Variants in GFPT2 observed in about 807,000 individuals in gnomAD.
The protein encoded by GFPT2 is glutamine--fructose-6-phosphate transaminase 2, also known as glutamine--fructose-6-phosphate aminotransferase [isomerizing] 2.
Under a neutral mutation model 85.6 loss-of-function variants are expected in GFPT2, and 62 were observed. The ratio of observed to expected loss-of-function variants is 0.72; its 90% CI spans 0.59 to 0.90. The LOEUF (loss-of-function observed/expected upper bound fraction) is 0.90. GFPT2 is among the 40% of genes least tolerant of loss of function. The pLI is 0.00. For missense variants in GFPT2, 788 were observed against 893.4 expected, an observed-to-expected ratio of 0.88 and a Z score of 1.50; for synonymous variants, 368 against 344.5, an observed-to-expected ratio of 1.07 and a Z score of -0.75.
At chr5:180,346,632 C>T (rs1764614423) in intron 1 of GFPT2, among the ~76,000 whole-genome samples, 1 of 152,236 alleles carries the variant, frequency 6.6e-6, no homozygotes, top group Non-Finnish European at 1.5e-5. Flanking sequence ...CCCTCTGGGT[C>T]CCACTCCTGC....
chr5:180,331,780 C>G, intron 4 of GFPT2: 1 of 540,904 alleles, frequency 1.8e-6, no homozygotes, highest in South Asian at 1.9e-5. Context: ...CAATGGGATC[C>G]GGAGGAAATA....
chr5:180,351,416 C>T (rs1170969233), intron 1 of GFPT2, among the ~76,000 whole-genome samples: 1 of 152,180 alleles, frequency 6.6e-6, no homozygotes, highest in Non-Finnish European at 1.5e-5. Context: ...GCCCTCCCCA[C>T]TTCCCCCACC....
chr5:180,349,413 C>T (rs1375318216), intron 1 of GFPT2, among the ~76,000 whole-genome samples: 2 of 152,304 alleles, frequency 1.3e-5, no homozygotes, highest in East Asian at 3.9e-4. Context: ...TCTTTATAAG[C>T]TAATTTTGCT....
At chr5:180,305,023 G>A (rs1183898809) in intron 16 of GFPT2, 84 bp from the exon 17 acceptor site, 3 of 968,620 alleles carry the variant, frequency 3.1e-6, no homozygotes, top group African/African-American at 3.2e-5. Context: ...GGGAACCAGG[G>A]GAAGGATGAC....
Position 180,301,590 on chromosome 5 carries a change from G to A in GFPT2, c.2023C>T (p.Leu675=). 1 of 1,613,764 alleles carries A rather than the reference G, an allele frequency of 6.2e-7. No homozygotes were observed. Among genetic ancestry groups the A allele is most frequent in the Non-Finnish European group, 8.5e-7 (1 of 1,179,616 alleles). Residue 675 remains leucine (L), a synonymous_variant, in exon 19 of 19, where the codon CTG becomes TTG. Transcript: ENST00000253778. The stretch of plus-strand genomic sequence containing the variant: ...CATTCCACAGTTACAGACTTGGCCA[G>A]ATTTCTGGGGAAGTCAACCTAAAAT... The part of the protein sequence containing the change: ...RGYDVDFPRN[L]AKSVTVE
At position 180,308,224 on chromosome 5, in the gene GFPT2, C is replaced by G. The variant is rs1438291439; in HGVS notation, c.1547-921G>C. ...TGAGCTGAGATGGCACCACGGCACTCCAGCCTGGGCAACAGAGCGAGACTC... is the reference window on the plus strand; with the variant it reads ...TGAGCTGAGATGGCACCACGGCACTGCAGCCTGGGCAACAGAGCGAGACTC... On this transcript the variant is annotated intron_variant, in intron 15 of 18. Coordinates refer to ENST00000253778, the MANE Select transcript of GFPT2 (RefSeq NM_005110.4). Among the ~76,000 whole-genome samples, 13 of 151,496 alleles carry G rather than the reference C, an allele frequency of 8.6e-5. No homozygotes were observed. In the East Asian group the frequency reaches 2.5e-3, roughly 29 times the overall value.
At position 180,323,352 on chromosome 5, in the gene GFPT2, C is replaced by T. The variant is rs892319664; in HGVS notation, c.794+836G>A. Among the ~76,000 whole-genome samples the T allele has an allele frequency of 1.1e-4, 16 of 152,138 alleles. No individual in the cohort carries two copies. The highest frequency in any genetic ancestry group is 2.4e-4 in the African/African-American group (10 of 41,434). The stretch of plus-strand genomic sequence containing the variant: ...TGTCGCTCCCGTTTCCCAGGAGACC[C>T]GGCCTGGTGTCCTCCCTGCCTCACA... On this transcript the variant is annotated intron_variant, in intron 9 of 18. Coordinates refer to ENST00000253778, the MANE Select transcript of GFPT2 (RefSeq NM_005110.4). The surrounding 1 kb of genome is among the most constrained non-coding windows in gnomAD (Gnocchi z 4.0).
chr5:180,347,221 C>G (rs906952146), intron 1 of GFPT2, among the ~76,000 whole-genome samples: 6 of 152,202 alleles, frequency 3.9e-5, no homozygotes, highest in Non-Finnish European at 7.3e-5. Flanking sequence ...GATACAGGAG[C>G]CTGGAGATCT....
At chr5:180,305,015 G>T in intron 16 of GFPT2, 76 bp from the exon 17 acceptor site, 1 of 1,011,500 alleles carries the variant, frequency 9.9e-7, no homozygotes. Context: ...GGAAGAAGGG[G>T]AACCAGGGGA....
intron 15 of GFPT2, among the ~76,000 whole-genome samples, chr5:180,308,022 T>C (rs1429158071): frequency 6.6e-6 from 1 of 151,736 alleles, no homozygotes; most frequent in African/African-American, 2.4e-5. Context: ...TTTGGAAGGC[T>C]GGGGCAGGCG....
chr5:180,309,584 C>T (rs571183630), intron 15 of GFPT2, among the ~76,000 whole-genome samples: 1 of 151,918 alleles, frequency 6.6e-6, no homozygotes, highest in South Asian at 2.1e-4. Flanking sequence ...CCACACCCAG[C>T]TATTTTTAGT....
At chr5:180,303,225 G>A (rs144311959) in intron 17 of GFPT2, among the ~76,000 whole-genome samples, 8,795 of 127,364 alleles carry the variant, frequency 0.069, 764 homozygotes, top group African/African-American at 0.23. Flanking sequence ...GCCAGACTCC[G>A]TCACAAAAAA....
intron 3 of GFPT2, 56 bp from the exon 4 acceptor site, chr5:180,336,009 C>T (rs962479388): frequency 6.7e-7 from 1 of 1,501,508 alleles, no homozygotes; most frequent in African/African-American, 1.4e-5. Flanking sequence ...CGACCCAGGA[C>T]TGTGAGTGCA....
At position 180,316,949 on chromosome 5, in the gene GFPT2, A is replaced by T. The variant is rs758133878; in HGVS notation, c.1054+14T>A. On this transcript the variant is annotated intron_variant, in intron 11 of 18. Coordinates refer to ENST00000253778, the MANE Select transcript of GFPT2 (RefSeq NM_005110.4). ...AGGCTCGGGCGGAGGCTCCCCACCG[A>T]GTGTAGGAATTACCTGTGTTGGTTT... The T allele has an allele frequency of 6.4e-7, 1 of 1,572,824 alleles. No homozygotes were observed. Among genetic ancestry groups the T allele is most frequent in the African/African-American group, 1.4e-5 (1 of 74,056 alleles).
chr5:180,315,329 C>T (rs113623092), intron 13 of GFPT2, among the ~76,000 whole-genome samples: 2,953 of 152,222 alleles, frequency 0.019, 74 homozygotes, highest in East Asian at 0.097. Context: ...AGGCGCCCGC[C>T]ACCACGCCCG....
At chr5:180,336,684 T>C (rs1047104207) in intron 2 of GFPT2, 107 bp from the exon 3 acceptor site, 2 of 781,776 alleles carry the variant, frequency 2.6e-6, no homozygotes, top group African/African-American at 1.7e-5. Context: ...TGTCCGTTTA[T>C]GGCAGGTTGG....
intron 18 of GFPT2, 121 bp downstream of exon 18, chr5:180,302,301 GA>G: frequency 1.5e-6 from 1 of 667,642 alleles, no homozygotes; most frequent in Non-Finnish European, 2.3e-6. Flanking sequence ...AAAAAAAAAA[GA>G]AAGCTACTTT....
intron 16 of GFPT2, among the ~76,000 whole-genome samples, chr5:180,305,579 C>A (rs1352101899): frequency 6.6e-6 from 1 of 152,234 alleles, no homozygotes; most frequent in Non-Finnish European, 1.5e-5. Flanking sequence ...CGGCTCCAGT[C>A]TGGAGGCGCA....
At chr5:180,345,879 T>A (rs1238222098) in intron 1 of GFPT2, among the ~76,000 whole-genome samples, 1 of 151,642 alleles carries the variant, frequency 6.6e-6, no homozygotes, top group African/African-American at 2.4e-5. Context: ...AGGCAGGAGG[T>A]CCCTGAGTGC....
Sources: gnomAD v4.1 joint callset for allele counts (sites outside exome capture counted in the v4.1 genomes callset) on GRCh38, gnomAD v4.1.1 for gene constraint, Gnocchi (gnomAD v3.1) non-coding constraint, MANE v1.5 for transcripts, NCBI Gene and HGNC (gene_info 2026-07-23, HGNC 2026-07-21) for gene names.